Variants in MAP2K6 observed in about 807,000 individuals in gnomAD.
The protein encoded by MAP2K6 is dual specificity mitogen-activated protein kinase kinase 6.
A neutral mutation model predicts 53.7 loss-of-function variants in MAP2K6; 16 were observed. The ratio of observed to expected loss-of-function variants is 0.30; its 90% CI spans 0.20 to 0.45. The LOEUF is 0.45. MAP2K6 is among the 20% of genes least tolerant of loss of function. The pLI is 1.00. For missense variants in MAP2K6, 204 were observed against 411.9 expected, an observed-to-expected ratio of 0.50 and a Z score of 4.37; for synonymous variants, 132 against 143.1, an observed-to-expected ratio of 0.92 and a Z score of 0.55.
At chr17:69,467,454 G>A (rs1420117580) in intron 1 of MAP2K6, among the ~76,000 whole-genome samples, 1 of 152,224 alleles carries the variant, frequency 6.6e-6, no homozygotes, top group Non-Finnish European at 1.5e-5. Context: ...GGGGGAAAGT[G>A]GGAGGAGAAT....
chr17:69,471,006 C>T (rs1456672320), intron 1 of MAP2K6, among the ~76,000 whole-genome samples: 1 of 152,156 alleles, frequency 6.6e-6, no homozygotes, highest in Non-Finnish European at 1.5e-5. Context: ...ATTCACAGCA[C>T]CTAGGACAGT....
intron 1 of MAP2K6, among the ~76,000 whole-genome samples, chr17:69,453,276 C>T (rs927874825): frequency 6.6e-6 from 1 of 152,190 alleles, no homozygotes; most frequent in Non-Finnish European, 1.5e-5. Context: ...TAAAATTTTG[C>T]AGGCCATACA....
At chr17:69,504,535 A>G (rs1909358250) in intron 1 of MAP2K6, 1 of 152,278 alleles carries the variant, frequency 6.6e-6, no homozygotes, top group Admixed American at 6.5e-5. Flanking sequence ...TCGGCCTCCC[A>G]AAGTGCTGGG....
In MAP2K6 at chr17:69,505,837, C is replaced by T; in HGVS notation, c.74C>T (p.Thr25Ile). 6.2e-7 allele frequency: 1 copy of T among 1,613,564 alleles called. No individual in the cohort carries two copies. ...AAAGAAGCATTTGAACAACCTCAGACCAGTTCCACGTAAGTTGACAAGACC... is the reference window on the plus strand; with the variant it reads ...AAAGAAGCATTTGAACAACCTCAGATCAGTTCCACGTAAGTTGACAAGACC... ...IPKEAFEQPQTSSTPPRDLDS... is the reference protein window; with the variant it reads ...IPKEAFEQPQISSTPPRDLDS... Residue 25 changes from threonine to isoleucine, a missense_variant, in exon 2 of 12, where the codon ACC becomes ATC. Thr to Ile is a moderately conservative substitution (Grantham distance 89). Transcript: ENST00000590474.
Position 69,522,706 on chromosome 17 carries a change from T to C in MAP2K6, c.536-808T>C, listed in dbSNP as rs189953710. 1.8e-3 allele frequency among the ~76,000 whole-genome samples: 278 copies of C among 152,236 alleles called. 2 individuals are homozygous for C. The highest frequency in any genetic ancestry group is 6.3e-3 in the African/African-American group (262 of 41,530). On this transcript the variant is annotated intron_variant, in intron 7 of 11. Transcript: ENST00000590474. ...CTGTGGTCTGGAATACCTGGGTTTATGATCCTTTACACTATGTGACCTCTG... is the reference window on the plus strand; with the variant it reads ...CTGTGGTCTGGAATACCTGGGTTTACGATCCTTTACACTATGTGACCTCTG...
At chr17:69,492,676 C>T (rs557157861) in intron 1 of MAP2K6, among the ~76,000 whole-genome samples, 3 of 152,276 alleles carry the variant, frequency 2.0e-5, no homozygotes, top group Admixed American at 6.5e-5. Context: ...ACTCAGCCTT[C>T]GCCTCTCCTT....
rs915313961 is a variant in MAP2K6, at chr17:69,543,906, C to T, written c.*2153C>T. On this transcript the variant is annotated 3_prime_UTR_variant, in exon 12 of 12. Coordinates refer to ENST00000590474, the MANE Select transcript of MAP2K6 (RefSeq NM_002758.4). Reference sequence around the variant, plus strand: ...AAAAGTTAGTCTATGGTTCTCAACCCTCGTGTACATTGGAACCATCTGGGA... The same window carrying T: ...AAAAGTTAGTCTATGGTTCTCAACCTTCGTGTACATTGGAACCATCTGGGA... The T allele has an allele frequency of 6.6e-6, 1 of 152,180 alleles. No homozygotes were observed. The highest frequency in any genetic ancestry group is 2.4e-5 in the African/African-American group (1 of 41,438). 9.4% of individuals were successfully genotyped at this position (152,180 alleles called of 1,614,324 possible).
At chr17:69,532,318 C>T (rs981671439) in intron 10 of MAP2K6, among the ~76,000 whole-genome samples, 5 of 152,266 alleles carry the variant, frequency 3.3e-5, no homozygotes, top group East Asian at 1.9e-4. Flanking sequence ...TGGAAATGAT[C>T]GGGGGAATTC....
chr17:69,541,156 G>A (rs1191248453), intron 11 of MAP2K6, among the ~76,000 whole-genome samples: 5 of 152,108 alleles, frequency 3.3e-5, no homozygotes, highest in East Asian at 1.9e-4. Flanking sequence ...CCAGCTACTC[G>A]GGAGGCTGAG....
At position 69,429,464 on chromosome 17, in the gene MAP2K6, AGAGT is replaced by A. The variant is rs1406880563; in HGVS notation, c.16+14465_16+14468del. Reference sequence around the variant, plus strand: ...CCTCTAAAAGGAGAGTGAGAGAGAGAGAGTAAGAACCAAGCCATGGCAAAGCTGA... The same window carrying A: ...CCTCTAAAAGGAGAGTGAGAGAGAGAAAGAACCAAGCCATGGCAAAGCTGA... On this transcript the variant is annotated intron_variant, in intron 1 of 11. Coordinates refer to ENST00000590474, the MANE Select transcript of MAP2K6 (RefSeq NM_002758.4). Among the ~76,000 whole-genome samples the A allele has an allele frequency of 3.3e-5, 5 of 151,868 alleles. No individual in the cohort carries two copies. In the East Asian group the frequency reaches 7.8e-4, roughly 24 times the overall value.
chr17:69,450,455 C>G (rs920469430), intron 1 of MAP2K6, among the ~76,000 whole-genome samples: 2 of 152,180 alleles, frequency 1.3e-5, no homozygotes. Flanking sequence ...CTTGGACCAG[C>G]AAAAATTGCT....
At chr17:69,423,625 A>G (rs1906168790) in intron 1 of MAP2K6, among the ~76,000 whole-genome samples, 1 of 152,206 alleles carries the variant, frequency 6.6e-6, no homozygotes, top group Non-Finnish European at 1.5e-5. Flanking sequence ...GGCCCAGCCC[A>G]CAGGAAACGT....
intron 1 of MAP2K6, among the ~76,000 whole-genome samples, chr17:69,498,121 G>A (rs1348364530): frequency 6.6e-6 from 1 of 151,998 alleles, no homozygotes; most frequent in East Asian, 1.9e-4. Context: ...GTGTACCCTG[G>A]GGAATGATTG....
At chr17:69,486,490 A>T (rs1908542499) in intron 1 of MAP2K6, among the ~76,000 whole-genome samples, 1 of 152,180 alleles carries the variant, frequency 6.6e-6, no homozygotes, top group Non-Finnish European at 1.5e-5. Flanking sequence ...CTAGTCTGAG[A>T]CTGATGAGTG....
intron 1 of MAP2K6, among the ~76,000 whole-genome samples, chr17:69,457,323 G>C (rs931832813): frequency 6.6e-6 from 1 of 152,176 alleles, no homozygotes; most frequent in African/African-American, 2.4e-5. Flanking sequence ...CTGTGGACAC[G>C]TTTATCCCCT....
intron 1 of MAP2K6, among the ~76,000 whole-genome samples, chr17:69,452,637 G>A (rs1217956618): frequency 6.6e-6 from 1 of 152,178 alleles, no homozygotes; most frequent in Admixed American, 6.5e-5. Flanking sequence ...AGAGATAGGT[G>A]TAGGTGAAAG....
chr17:69,521,824 A>AC (rs1910496575), intron 7 of MAP2K6: 3 of 149,412 alleles, frequency 2.0e-5, no homozygotes, highest in African/African-American at 5.0e-5. Context: ...AAAAAAAAAA[A>AC]AAAAAAAAAC....
rs1911980416 is a variant in MAP2K6, at chr17:69,548,807, G to T, written c.*7054G>T. On this transcript the variant is annotated 3_prime_UTR_variant, in exon 12 of 12. Transcript: ENST00000590474. ...GCTATGCAAATATTGTACTATTACA[G>T]ATTTTTCTAATGAAGTAGTTTGAAA... 1 of 152,174 alleles carries T rather than the reference G, an allele frequency of 6.6e-6. No homozygotes were observed. Among genetic ancestry groups the T allele is most frequent in the Non-Finnish European group, 1.5e-5 (1 of 68,016 alleles). The allele number at this position is 152,174 out of a possible 1,614,324, so 9.4% of individuals were successfully genotyped here.
At chr17:69,506,416 T>G (rs957337475) in intron 2 of MAP2K6, among the ~76,000 whole-genome samples, 11 of 152,038 alleles carry the variant, frequency 7.2e-5, no homozygotes, top group Non-Finnish European at 1.5e-4. Flanking sequence ...TTGTTTTTTT[T>G]TTTTTTATTT....
Sources: allele counts gnomAD v4.1 joint callset (sites outside exome capture counted in the v4.1 genomes callset), GRCh38; gene constraint gnomAD v4.1.1; transcripts MANE v1.5; gene names NCBI Gene and HGNC (gene_info 2026-07-23, HGNC 2026-07-21).